PIGL: variants seen among roughly 807,000 people sequenced by gnomAD.
PIGL encodes phosphatidylinositol glycan anchor biosynthesis class L.
A neutral mutation model predicts 31.1 loss-of-function variants in PIGL; 22 were observed. The ratio of observed to expected loss-of-function variants is 0.71; its 90% CI spans 0.51 to 1.01. The LOEUF (loss-of-function observed/expected upper bound fraction) is 1.01, where lower values mean the gene tolerates loss of function less well. Ranked by LOEUF, PIGL falls within the 50% of genes least tolerant of loss-of-function variation. PIGL has a pLI of 0.00. For synonymous variants in PIGL, 131 were observed against 117.4 expected (o/e 1.12, Z -0.75); for missense variants, 302 against 315.9 (o/e 0.96, Z 0.33).
chr17:16,222,494 C>T (rs1027692837), intron 1 of PIGL, among the ~76,000 whole-genome samples: 2 of 151,738 alleles, frequency 1.3e-5, no homozygotes, highest in African/African-American at 4.8e-5. Context: ...TTGTTTTTTC[C>T]ATTATACAAG....
At chr17:16,219,053 C>T (rs1359565075) in intron 1 of PIGL, among the ~76,000 whole-genome samples, 3 of 143,216 alleles carry the variant, frequency 2.1e-5, no homozygotes, top group African/African-American at 5.1e-5. Context: ...CATTGACTGA[C>T]ATTTTTTATA....
At chr17:16,296,886 T>A (rs2092984624) in intron 2 of PIGL, among the ~76,000 whole-genome samples, 1 of 151,828 alleles carries the variant, frequency 6.6e-6, no homozygotes, top group African/African-American at 2.4e-5. Flanking sequence ...CCGGCTAATT[T>A]TTTTTTTGTA....
chr17:16,257,877 C>T (rs2092800899), intron 2 of PIGL, among the ~76,000 whole-genome samples: 1 of 151,780 alleles, frequency 6.6e-6, no homozygotes, highest in Non-Finnish European at 1.5e-5. Flanking sequence ...GCAGCCTGGC[C>T]AACATGGTGA....
intron 2 of PIGL, among the ~76,000 whole-genome samples, chr17:16,297,543 G>A (rs1054253509): frequency 6.6e-6 from 1 of 152,200 alleles, no homozygotes. Context: ...TCAGCCAGGA[G>A]TATGTATGTA....
In PIGL at chr17:16,299,943, C is replaced by T. The variant is rs756108928; in HGVS notation, c.391C>T (p.Leu131Phe). The T allele has an allele frequency of 6.2e-6, 10 of 1,614,072 alleles. No homozygotes were observed. In the South Asian group the frequency reaches 1.1e-4, roughly 18 times the overall value. The change falls in exon 3 of 7, where the codon CTC becomes TTC. Residue 131 changes from leucine (L) to phenylalanine (F), a missense_variant. Transcript: ENST00000225609. Reference sequence around the variant, plus strand: ...GGACACAGAGCACGTGGCCAGAGTCCTCCTTCAGCACATAGAAGTGAATGG... The same window carrying T: ...GGACACAGAGCACGTGGCCAGAGTCTTCCTTCAGCACATAGAAGTGAATGG... ...QWDTEHVARV[L>F]LQHIEVNGIN...
chr17:16,322,341 C>G (rs542534210), intron 6 of PIGL, among the ~76,000 whole-genome samples: 2 of 152,018 alleles, frequency 1.3e-5, no homozygotes, highest in African/African-American at 2.4e-5. Context: ...GTGATCCACC[C>G]GGCTTGGCCT....
intron 3 of PIGL, among the ~76,000 whole-genome samples, chr17:16,306,152 A>T (rs566475551): frequency 9.2e-5 from 14 of 151,970 alleles, no homozygotes; most frequent in African/African-American, 3.1e-4. Flanking sequence ...GGTTTCACCA[A>T]CCTGGCCAGG....
chr17:16,306,377 A>G (rs1340274828), intron 3 of PIGL, among the ~76,000 whole-genome samples: 1 of 152,110 alleles, frequency 6.6e-6, no homozygotes, highest in East Asian at 1.9e-4. Context: ...TTCCAGTAGT[A>G]AAGTTTTCTG....
intron 3 of PIGL, among the ~76,000 whole-genome samples, chr17:16,302,123 C>G (rs1010401824): frequency 3.9e-5 from 6 of 152,136 alleles, no homozygotes; most frequent in African/African-American, 1.4e-4. Context: ...CCTGAGTCAC[C>G]TAAAAGCTGA....
At chr17:16,317,650 C>T (rs748308684) in intron 5 of PIGL, 125 bp from the exon 6 acceptor site, 25 of 1,513,128 alleles carry the variant, frequency 1.7e-5, no homozygotes, top group East Asian at 1.4e-4. Flanking sequence ...CACAGAAACA[C>T]GTGGCAATGC....
At chr17:16,310,859 T>C (rs1446542273) in intron 3 of PIGL, among the ~76,000 whole-genome samples, 1 of 152,182 alleles carries the variant, frequency 6.6e-6, no homozygotes, top group African/African-American at 2.4e-5. Flanking sequence ...AGGATGCTTG[T>C]AAAGAGCGTG....
At chr17:16,313,636 A>C in intron 4 of PIGL, 22 bp downstream of exon 4, 1 of 1,583,074 alleles carries the variant, frequency 6.3e-7, no homozygotes, top group Non-Finnish European at 8.7e-7. Context: ...CGGGTGATGG[A>C]TGTGGGGGAG....
intron 6 of PIGL, among the ~76,000 whole-genome samples, chr17:16,320,227 AAG>A: frequency 8.9e-6 from 1 of 111,894 alleles, no homozygotes; most frequent in African/African-American, 3.6e-5. Context: ...GGAAGGAAGG[AAG>A]GAAGGAAGGA....
At chr17:16,301,866 GC>G (rs1330137918) in intron 3 of PIGL, among the ~76,000 whole-genome samples, 1 of 151,768 alleles carries the variant, frequency 6.6e-6, no homozygotes, top group Non-Finnish European at 1.5e-5. Context: ...ACCACGCCCA[GC>G]CTAATTTTTT....
chr17:16,227,578 C>CTTTTTT (rs57452229), intron 1 of PIGL, among the ~76,000 whole-genome samples: 1,144 of 102,836 alleles, frequency 0.011, no homozygotes, highest in African/African-American at 0.013. Context: ...ATTTTCTTTT[C>CTTTTTT]TTTTTTTTTT....
intron 2 of PIGL, among the ~76,000 whole-genome samples, chr17:16,258,314 G>A (rs1320997029): frequency 1.3e-5 from 2 of 149,490 alleles, no homozygotes; most frequent in East Asian, 4.1e-4. Flanking sequence ...CAAGTAGCTG[G>A]GACTACAGGT....
intron 2 of PIGL, among the ~76,000 whole-genome samples, chr17:16,278,872 T>C (rs1468850679): frequency 2.0e-5 from 3 of 152,230 alleles, no homozygotes; most frequent in African/African-American, 7.2e-5. Context: ...GCACCTATTA[T>C]TTTTAAACCA....
intron 6 of PIGL, among the ~76,000 whole-genome samples, chr17:16,319,223 C>CAAAAAAAA (rs11379081): frequency 6.0e-5 from 5 of 82,946 alleles, no homozygotes; most frequent in South Asian, 5.2e-4. Flanking sequence ...AGACCCTAGC[C>CAAAAAAAA]AAAAAAAAAA....
Position 16,317,887 on chromosome 17 carries a change from C to T in PIGL, c.639C>T (p.Ser213=). The T allele has an allele frequency of 6.2e-7, 1 of 1,613,582 alleles. No homozygotes were observed. The highest frequency in any genetic ancestry group is 8.5e-7 in the Non-Finnish European group (1 of 1,179,996). Residue 213 remains serine (S), a synonymous_variant, in exon 6 of 7, where the codon AGC becomes AGT. Coordinates refer to ENST00000225609, the MANE Select transcript of PIGL (RefSeq NM_004278.4). ...HTQDVLFVLN[S]KEVAQAKKAM... is the part of the protein sequence containing the mutation. Reference sequence around the variant, plus strand: ...AGGATGTCCTCTTCGTGCTCAACAGCAAAGAAGTGGCACAGGCCAAGGTGA... The same window carrying T: ...AGGATGTCCTCTTCGTGCTCAACAGTAAAGAAGTGGCACAGGCCAAGGTGA...
Sources: gnomAD v4.1 joint callset for allele counts (sites outside exome capture counted in the v4.1 genomes callset) on GRCh38, gnomAD v4.1.1 for gene constraint, MANE v1.5 for transcripts, NCBI Gene and HGNC (gene_info 2026-07-23, HGNC 2026-07-21) for gene names.